Variants in MTCL1 observed in about 807,000 individuals in gnomAD.
MTCL1 encodes the protein microtubule cross-linking factor 1.
MTCL1 carries 79 observed loss-of-function variants against 141.4 expected under a neutral mutation model. The observed-to-expected ratio is 0.56, with a 90% CI of 0.47 to 0.67. The LOEUF is 0.67. MTCL1 is among the 30% of genes least tolerant of loss of function. MTCL1 has a pLI of 0.00. For synonymous variants in MTCL1, 914 were observed against 875.8 expected (o/e 1.04, Z -0.77); for missense variants, 2,177 against 2,113.9 (o/e 1.03, Z -0.59).
chr18:8,813,239 G>C lies in MTCL1; in HGVS notation c.2859+6G>C. ...TCTTGTGGAGGATAGAGCAGGTAAG[G>C]AGGCACCCCGGGGCCCTGGAGCATA... is the stretch of plus-strand genomic sequence containing the variant. On this transcript the variant is annotated splice_donor_region_variant and intron_variant, in intron 12 of 16. Transcript: ENST00000359865. 6.2e-7 allele frequency: 1 copy of C among 1,609,686 alleles called. No homozygotes were observed. The highest frequency in any genetic ancestry group is 8.5e-7 in the Non-Finnish European group (1 of 1,178,110).
Position 8,828,508 on chromosome 18 carries a change from C to T in MTCL1, c.4723-400C>T, listed in dbSNP as rs1487848740. ...GCTTGGCTGTTGTGACCGAAACAAA[C>T]GCAGCCGTATAATAGTCTCTGTTTT... On this transcript the variant is annotated intron_variant, in intron 15 of 16. Transcript: ENST00000359865. The surrounding 1 kb of genome is among the most constrained non-coding windows in gnomAD (Gnocchi z 5.2). Among the ~76,000 whole-genome samples the T allele has an allele frequency of 1.3e-5, 2 of 152,238 alleles. No individual in the cohort carries two copies. The highest frequency in any genetic ancestry group is 4.8e-5 in the African/African-American group (2 of 41,460).
At chr18:8,794,342 G>A (rs2075840058) in intron 8 of MTCL1, among the ~76,000 whole-genome samples, 1 of 152,174 alleles carries the variant, frequency 6.6e-6, no homozygotes, top group African/African-American at 2.4e-5. Flanking sequence ...TGTTCAGAAG[G>A]GAAGGGAAAG....
chr18:8,789,742 GT>G (rs541240675), intron 7 of MTCL1: 7 of 978,648 alleles, frequency 7.2e-6, no homozygotes, highest in African/African-American at 1.8e-5. Context: ...CAAAAAAAGG[GT>G]TTTTTTTAGA....
intron 4 of MTCL1, among the ~76,000 whole-genome samples, chr18:8,739,287 C>T (rs1404990261): frequency 3.3e-5 from 5 of 152,084 alleles, no homozygotes; most frequent in Non-Finnish European, 7.4e-5. Flanking sequence ...ATATGGGATG[C>T]TCAGGGGTGA....
At position 8,812,500 on chromosome 18, in the gene MTCL1, C is replaced by T. The variant is rs72938146; in HGVS notation, c.2605-479C>T. On this transcript the variant is annotated intron_variant, in intron 11 of 16. Coordinates refer to ENST00000359865, the Ensembl canonical transcript of MTCL1. ...CCTCTATGACATGGGTCATTTTTCC[C>T]TGTCTTTAAGTCTTCTCTTTGGTTT... Among the ~76,000 whole-genome samples the T allele has an allele frequency of 1.8e-3, 280 of 152,320 alleles. 1 individual carries two copies. The highest frequency in any genetic ancestry group is 5.0e-4 in the Non-Finnish European group (34 of 68,032).
chr18:8,807,334 G>T (rs760414972), intron 11 of MTCL1, among the ~76,000 whole-genome samples: 10 of 152,204 alleles, frequency 6.6e-5, no homozygotes, highest in Non-Finnish European at 1.5e-4. Context: ...GTATTTAGCT[G>T]CATCAGAGGA....
chr18:8,738,117 T>C (rs185837919), intron 4 of MTCL1, among the ~76,000 whole-genome samples: 1 of 152,296 alleles, frequency 6.6e-6, no homozygotes, highest in East Asian at 1.9e-4. Context: ...GGCCTCTCCT[T>C]TCTGTTGGGT....
intron 7 of MTCL1, chr18:8,787,374 G>A (rs537136475): frequency 6.6e-6 from 1 of 152,140 alleles, no homozygotes; most frequent in South Asian, 2.1e-4. Context: ...GAGAAGTGAA[G>A]CGGCTTGCCA....
At chr18:8,794,865 T>C (rs1253911055) in intron 8 of MTCL1, among the ~76,000 whole-genome samples, 2 of 152,224 alleles carry the variant, frequency 1.3e-5, no homozygotes, top group African/African-American at 2.4e-5. Context: ...TTTATTGTCA[T>C]GTACCTAACT....
intron 5 of MTCL1, among the ~76,000 whole-genome samples, chr18:8,781,734 A>T (rs2143447151): frequency 6.6e-6 from 1 of 152,320 alleles, no homozygotes; most frequent in Non-Finnish European, 1.5e-5. Context: ...CCTGCTTTAG[A>T]TACAAAGAGA....
intron 4 of MTCL1, among the ~76,000 whole-genome samples, chr18:8,774,337 A>T (rs1281759586): frequency 2.0e-5 from 3 of 152,122 alleles, no homozygotes; most frequent in African/African-American, 7.2e-5. Flanking sequence ...TGGAAGAAAC[A>T]TGGCGTCTTT....
rs190985177 is a variant in MTCL1 at position 8,727,276 on chromosome 18, T to A, written c.357+6780T>A. Among the ~76,000 whole-genome samples, 446 of 152,294 alleles carry A rather than the reference T, an allele frequency of 2.9e-3. 5 individuals are homozygous for A. Among genetic ancestry groups the A allele is most frequent in the Middle Eastern group, 0.024 (7 of 294 alleles). On this transcript the variant is annotated intron_variant, in intron 4 of 16. Coordinates refer to ENST00000359865, the Ensembl canonical transcript of MTCL1. Reference sequence around the variant, plus strand: ...TTCAATAAACACATGAGTGTAGGTATTTTTTTAATATAATTTCTTTTGGGT... The same window carrying A: ...TTCAATAAACACATGAGTGTAGGTAATTTTTTAATATAATTTCTTTTGGGT...
At chr18:8,789,484 T>A (rs2075643566) in intron 7 of MTCL1, 1 of 985,346 alleles carries the variant, frequency 1.0e-6, no homozygotes, top group Admixed American at 6.1e-5. Context: ...GTGTGGGAAG[T>A]AATTTGTAAG....
intron 4 of MTCL1, among the ~76,000 whole-genome samples, chr18:8,726,472 G>GGAGAGAGAGAGAGA (rs374393768): frequency 1.5e-5 from 2 of 131,622 alleles, no homozygotes; most frequent in Non-Finnish European, 3.2e-5. Flanking sequence ...GAGAATAAGA[G>GGAGAGAGAGAGAGA]GAGAGAGAGA....
chr18:8,811,502 G>A (rs1217753936), intron 11 of MTCL1, among the ~76,000 whole-genome samples: 1 of 151,614 alleles, frequency 6.6e-6, no homozygotes, highest in African/African-American at 2.4e-5. Context: ...ATACTGGGTG[G>A]TTTAAGTCAT....
chr18:8,791,082 G>A (rs138381992), intron 7 of MTCL1, among the ~76,000 whole-genome samples: 4 of 152,320 alleles, frequency 2.6e-5, no homozygotes, highest in South Asian at 4.1e-4. Context: ...GTGGATTAGG[G>A]AGATTGTTGC....
Position 8,822,029 on chromosome 18 carries a change from A to G in MTCL1, c.3188+531A>G, listed in dbSNP as rs146538295. ...CTTTTTCATCATTCTCCAAATGAATACATACCGTTTCTACTACATGAAATT... is the reference window on the plus strand; with the variant it reads ...CTTTTTCATCATTCTCCAAATGAATGCATACCGTTTCTACTACATGAAATT... On this transcript the variant is annotated intron_variant, in intron 14 of 16. Transcript: ENST00000359865. This position sits in a 1 kb window ranked among gnomAD's most constrained non-coding sequence, Gnocchi z 4.6. 3.2e-3 allele frequency among the ~76,000 whole-genome samples: 490 copies of G among 152,348 alleles called. 4 individuals are homozygous for G. Among genetic ancestry groups the G allele is most frequent in the African/African-American group, 0.011 (467 of 41,596 alleles).
chr18:8,739,740 T>C, intron 4 of MTCL1, among the ~76,000 whole-genome samples: 1 of 152 alleles, frequency 6.6e-3, no homozygotes, highest in Non-Finnish European at 0.01. Flanking sequence ...TTTGTTCGTT[T>C]GTTTTTTTTT....
At chr18:8,797,243 T>C (rs563687140) in intron 9 of MTCL1, among the ~76,000 whole-genome samples, 1 of 152,338 alleles carries the variant, frequency 6.6e-6, no homozygotes, top group African/African-American at 2.4e-5. Flanking sequence ...TGAGCTTTGT[T>C]CCTAGATGTG....
Sources: gnomAD v4.1 joint callset for allele counts (sites outside exome capture counted in the v4.1 genomes callset) on GRCh38, gnomAD v4.1.1 for gene constraint, Gnocchi (gnomAD v3.1) non-coding constraint, MANE v1.5 for transcripts, NCBI Gene and HGNC (gene_info 2026-07-23, HGNC 2026-07-21) for gene names.